Variants in OR2M4 observed in about 807,000 individuals in gnomAD.
The protein encoded by OR2M4 is olfactory receptor 2M4.
Under a neutral mutation model 13.7 loss-of-function variants are expected in OR2M4, and 8 were observed. The observed-to-expected ratio is 0.58, with a 90% confidence interval of 0.34 to 1.05. OR2M4 has a LOEUF of 1.05. Among genes scored for constraint, OR2M4 ranks in the 50% least tolerant of loss-of-function variants. OR2M4 has a pLI of 0.02. For missense variants in OR2M4, 374 were observed against 381.6 expected, an observed-to-expected ratio of 0.98 and a Z score of 0.17; for synonymous variants, 152 against 141.3, an observed-to-expected ratio of 1.08 and a Z score of -0.53.
At position 248,239,138 on chromosome 1, in the gene OR2M4, C is replaced by T. The variant is rs769323142; in HGVS notation, c.210C>T (p.Asp70=). 2 of 1,613,986 alleles carry T rather than the reference C, an allele frequency of 1.2e-6. No individual in the cohort carries two copies. The highest frequency in any genetic ancestry group is 1.7e-6 in the Non-Finnish European group (2 of 1,179,906). The change falls in exon 2 of 2, where the codon GAC becomes GAT. Residue 70 remains aspartate (D), a synonymous_variant. Transcript: ENST00000641868. ...YFLLSQLSLM[D]LMLICTTLPK... ...TCCTCAGTCAACTGTCCCTTATGGA[C>T]CTCATGCTCATCTGCACCACTCTAC...
Position 248,241,990 on chromosome 1 carries a change from T to C in OR2M4, c.*2126T>C, listed in dbSNP as rs1467116686. On this transcript the variant is annotated 3_prime_UTR_variant, in exon 2 of 2. Transcript: ENST00000641868. The stretch of plus-strand genomic sequence containing the variant: ...TGTCAAGTCAAAAATTTAGATTTAT[T>C]GGGATTTTAAAAGAAGATAATACTA... 1 of 152,162 alleles carries C rather than the reference T, an allele frequency of 6.6e-6. No homozygotes were observed. The highest frequency in any genetic ancestry group is 2.4e-5 in the African/African-American group (1 of 41,438). 9.4% of individuals were successfully genotyped at this position (152,162 alleles called of 1,614,324 possible).
Position 248,242,520 on chromosome 1 carries a change from A to C in OR2M4, c.*2656A>C, listed in dbSNP as rs1305964397. ...TGATCCGCCCGCCTTGGCCTCCCAAAGTGCCTGGATTACATGCGTCAGCCA... is the reference window on the plus strand; with the variant it reads ...TGATCCGCCCGCCTTGGCCTCCCAACGTGCCTGGATTACATGCGTCAGCCA... On this transcript the variant is annotated 3_prime_UTR_variant, in exon 2 of 2. Coordinates refer to ENST00000641868, the MANE Select transcript of OR2M4 (RefSeq NM_017504.2). 6.6e-6 allele frequency: 1 copy of C among 152,284 alleles called. No individual in the cohort carries two copies. The highest frequency in any genetic ancestry group is 1.5e-5 in the Non-Finnish European group (1 of 68,096). The allele number at this position is 152,284 out of a possible 1,614,324, so 9.4% of individuals were successfully genotyped here. A position where few individuals can be genotyped will look rare whatever the true frequency, so the allele number is the denominator to read the frequency against.
intron 1 of OR2M4, 42 bp downstream of exon 1, chr1:248,231,622 C>T (rs952512135): frequency 2.0e-5 from 3 of 152,050 alleles, no homozygotes; most frequent in African/African-American, 4.8e-5. Context: ...AAAAAAATTC[C>T]GTTATGTCTT....
In OR2M4 at chr1:248,235,388, T is replaced by G. The variant is rs187878275; in HGVS notation, c.-19-3522T>G. 3.2e-4 allele frequency among the ~76,000 whole-genome samples: 48 copies of G among 152,326 alleles called. 3 individuals carry two copies. Among genetic ancestry groups the G allele is most frequent in the Middle Eastern group, 3.4e-3 (1 of 294 alleles). ...TGTGTCTGTTTTGGTACGAGTACCA[T>G]GCTGTTTTGATTGCTGTAGCCTTGT... On this transcript the variant is annotated intron_variant, in intron 1 of 1. Transcript: ENST00000641868.
Position 248,240,686 on chromosome 1 carries a change from C to G in OR2M4, c.*822C>G, listed in dbSNP as rs953266882. The stretch of plus-strand genomic sequence containing the variant: ...TCATGAGAGCCAAAAATCAGGTGAG[C>G]CTTCGTAGTACCTGGTTTTAACTTT... On this transcript the variant is annotated 3_prime_UTR_variant, in exon 2 of 2. Coordinates refer to ENST00000641868, the MANE Select transcript of OR2M4 (RefSeq NM_017504.2). 15 of 152,142 alleles carry G rather than the reference C, an allele frequency of 9.9e-5. No homozygotes were observed. Among genetic ancestry groups the G allele is most frequent in the African/African-American group, 3.1e-4 (13 of 41,424 alleles). The allele number at this position is 152,142 out of a possible 1,614,324, so 9.4% of individuals were successfully genotyped here.
At chr1:248,238,659 T>G (rs530416793) in intron 1 of OR2M4, among the ~76,000 whole-genome samples, 7 of 152,204 alleles carry the variant, frequency 4.6e-5, no homozygotes, top group African/African-American at 1.7e-4. Flanking sequence ...GAAGCTCTTA[T>G]ACACTTCAGC....
At chr1:248,236,011 C>T (rs979817717) in intron 1 of OR2M4, among the ~76,000 whole-genome samples, 7 of 151,956 alleles carry the variant, frequency 4.6e-5, no homozygotes, top group Non-Finnish European at 7.4e-5. Flanking sequence ...CTTAATGCCC[C>T]GACCATAACT....
intron 1 of OR2M4, among the ~76,000 whole-genome samples, chr1:248,235,026 A>G (rs1429082151): frequency 6.6e-6 from 1 of 151,932 alleles, no homozygotes; most frequent in Non-Finnish European, 1.5e-5. Flanking sequence ...CTATTTTTCA[A>G]TTTTAGCTCT....
chr1:248,240,029 A>G lies in OR2M4; in HGVS notation c.*165A>G. On this transcript the variant is annotated 3_prime_UTR_variant, in exon 2 of 2. Transcript: ENST00000641868. ...ATTATTACATATACATCGTTTGTAT[A>G]CTAAGCTAGATTTGGATGTTAGTAT... The G allele has an allele frequency of 1.9e-6, 1 of 524,804 alleles. No individual in the cohort carries two copies. Among genetic ancestry groups the G allele is most frequent in the East Asian group, 3.1e-5 (1 of 31,914 alleles). The allele number at this position is 524,804 out of a possible 1,614,324, so 32.5% of individuals were successfully genotyped here. A position where few individuals can be genotyped will look rare whatever the true frequency, so the allele number is the denominator to read the frequency against.
In OR2M4 at chr1:248,239,644, C is replaced by T. The variant is rs1316310765; in HGVS notation, c.716C>T (p.Thr239Ile). 4 of 1,614,136 alleles carry T rather than the reference C, an allele frequency of 2.5e-6. No individual in the cohort carries two copies. Among genetic ancestry groups the T allele is most frequent in the Non-Finnish European group, 3.4e-6 (4 of 1,180,022 alleles). ...GSGESRRKAF[T>I]TCSSHLSVVG... ...GGGGAAAGTCGTCGCAAGGCCTTCA[C>T]TACCTGCTCCTCCCACCTGTCTGTG... is the stretch of plus-strand genomic sequence containing the variant. The change falls in exon 2 of 2, where the codon ACT becomes ATT. Residue 239 changes from threonine (T) to isoleucine (I), a missense_variant. Thr to Ile is a moderately conservative substitution (Grantham distance 89, BLOSUM62 -1). Coordinates refer to ENST00000641868, the MANE Select transcript of OR2M4 (RefSeq NM_017504.2).
In OR2M4 at chr1:248,239,523, C is replaced by T; in HGVS notation, c.595C>T (p.Leu199Phe). The change falls in exon 2 of 2, where the codon CTT becomes TTT. Residue 199 changes from leucine to phenylalanine, a missense_variant. Coordinates refer to ENST00000641868, the MANE Select transcript of OR2M4 (RefSeq NM_017504.2). ...AGAAACATCTGCATTTGAAAGACTA[C>T]TTGTCATTTGTTGTGTGGTAATGCT... The part of the protein sequence containing the change: ...CTETSAFERL[L>F]VICCVVMLIF... 1.2e-6 allele frequency: 2 copies of T among 1,614,046 alleles called. No homozygotes were observed. Among genetic ancestry groups the T allele is most frequent in the Non-Finnish European group, 1.7e-6 (2 of 1,179,970 alleles).
Position 248,239,651 on chromosome 1 carries a change from C to T in OR2M4, c.723C>T (p.Cys241=). 3.1e-6 allele frequency: 5 copies of T among 1,614,100 alleles called. No individual in the cohort carries two copies. The highest frequency in any genetic ancestry group is 4.2e-6 in the Non-Finnish European group (5 of 1,180,010). Residue 241 remains cysteine, a synonymous_variant, in exon 2 of 2, where the codon TGC becomes TGT. Coordinates refer to ENST00000641868, the MANE Select transcript of OR2M4 (RefSeq NM_017504.2). ...GTCGTCGCAAGGCCTTCACTACCTG[C>T]TCCTCCCACCTGTCTGTGGTCGGAC... The part of the protein sequence containing the change: ...GESRRKAFTT[C]SSHLSVVGLY...
At chr1:248,236,751 G>C (rs1433471678) in intron 1 of OR2M4, among the ~76,000 whole-genome samples, 1 of 152,078 alleles carries the variant, frequency 6.6e-6, no homozygotes, top group African/African-American at 2.4e-5. Flanking sequence ...TGACCCCACA[G>C]AAATACAAAC....
chr1:248,232,428 C>T (rs908886357), intron 1 of OR2M4, among the ~76,000 whole-genome samples: 5 of 152,074 alleles, frequency 3.3e-5, no homozygotes, highest in African/African-American at 9.7e-5. Context: ...CTTCTCTGAT[C>T]GCCATTAATA....
In OR2M4 at chr1:248,243,361, C is replaced by T. The variant is rs772329712; in HGVS notation, c.*3497C>T. 6.6e-6 allele frequency: 1 copy of T among 152,118 alleles called. No individual in the cohort carries two copies. The highest frequency in any genetic ancestry group is 1.9e-4 in the East Asian group (1 of 5,200). The allele number at this position is 152,118 out of a possible 1,614,324, so 9.4% of individuals were successfully genotyped here. ...CTCTTGATCGGCCACTTGGCTCTTT[C>T]GTGTTTCCTGGCATTCGCAGGCACG... is the stretch of plus-strand genomic sequence containing the variant. On this transcript the variant is annotated 3_prime_UTR_variant, in exon 2 of 2. Transcript: ENST00000641868.
At chr1:248,233,834 A>C (rs775295202) in intron 1 of OR2M4, among the ~76,000 whole-genome samples, 8 of 152,066 alleles carry the variant, frequency 5.3e-5, no homozygotes, top group Non-Finnish European at 1.2e-4. Context: ...CTGTTTTACA[A>C]TATGATGTTT....
intron 1 of OR2M4, among the ~76,000 whole-genome samples, chr1:248,235,341 T>C (rs1666546959): frequency 6.6e-6 from 1 of 152,176 alleles, no homozygotes; most frequent in Non-Finnish European, 1.5e-5. Context: ...TTCTGAGATC[T>C]CTATTCTGTT....
chr1:248,234,326 T>G (rs1666535570), intron 1 of OR2M4, among the ~76,000 whole-genome samples: 1 of 152,072 alleles, frequency 6.6e-6, no homozygotes, highest in Non-Finnish European at 1.5e-5. Context: ...AGGATACATG[T>G]GCAGAACATG....
In OR2M4 at chr1:248,242,202, C is replaced by T. The variant is rs965246623; in HGVS notation, c.*2338C>T. 1.3e-5 allele frequency: 2 copies of T among 152,128 alleles called. No homozygotes were observed. Among genetic ancestry groups the T allele is most frequent in the Non-Finnish European group, 2.9e-5 (2 of 68,036 alleles). 9.4% of individuals were successfully genotyped at this position (152,128 alleles called of 1,614,324 possible). A position where few individuals can be genotyped will look rare whatever the true frequency, so the allele number is the denominator to read the frequency against. ...ATTAATTAAATTTTATAATACAAAACAGTGAATTTAATGACATATCTTTGC... is the reference window on the plus strand; with the variant it reads ...ATTAATTAAATTTTATAATACAAAATAGTGAATTTAATGACATATCTTTGC... On this transcript the variant is annotated 3_prime_UTR_variant, in exon 2 of 2. Transcript: ENST00000641868.
Sources: gnomAD v4.1 joint callset for allele counts (sites outside exome capture counted in the v4.1 genomes callset) on GRCh38, gnomAD v4.1.1 for gene constraint, MANE v1.5 for transcripts, NCBI Gene and HGNC (gene_info 2026-07-23, HGNC 2026-07-21) for gene names.